ACKR3: variants seen among roughly 807,000 people sequenced by gnomAD.
ACKR3 encodes C-X-C chemokine receptor type 7.
In ACKR3, 6 loss-of-function variants were observed where a neutral mutation model predicts 22.4. That is an observed-to-expected ratio of 0.27 (90% CI 0.15 to 0.53). The LOEUF (loss-of-function observed/expected upper bound fraction) is 0.53, where lower values mean the gene tolerates loss of function less well. ACKR3 is among the 20% of genes least tolerant of loss of function. The probability of loss-of-function intolerance (pLI) is 0.96; values close to 1 mark genes in which losing one functional copy is unlikely to be tolerated. For missense variants in ACKR3, 396 were observed against 475.2 expected, an observed-to-expected ratio of 0.83 and a Z score of 1.55; for synonymous variants, 209 against 205.2, an observed-to-expected ratio of 1.02 and a Z score of -0.16.
chr2:236,545,559 A>C, the ACKR3 span, among the ~76,000 whole-genome samples: 1 of 152,224 alleles, frequency 6.6e-6, no homozygotes, highest in Non-Finnish European at 1.5e-5. The surrounding 1 kb of genome is among the most constrained non-coding windows in gnomAD (Gnocchi z 5.3). Flanking sequence ...TATGGCAAGA[A>C]GAGTGCACAA....
chr2:236,549,049 C>A, the ACKR3 span, among the ~76,000 whole-genome samples: 2 of 152,210 alleles, frequency 1.3e-5, no homozygotes, highest in Admixed American at 6.5e-5. The surrounding 1 kb of genome is among the most constrained non-coding windows in gnomAD (Gnocchi z 5.3). Flanking sequence ...TTGGAAGGAA[C>A]CTGAGACTGC....
upstream of ACKR3, among the ~76,000 whole-genome samples, chr2:236,566,508 C>T (rs1034978913): frequency 1.3e-5 from 2 of 150,486 alleles, no homozygotes; most frequent in South Asian, 2.1e-4. Flanking sequence ...ACTTGAAAAA[C>T]AGCAGGTGCA....
At chr2:236,580,401 T>G in intron 1 of ACKR3, 39 bp from the exon 2 acceptor site, 1 of 1,550,556 alleles carries the variant, frequency 6.4e-7, no homozygotes, top group African/African-American at 1.4e-5. Context: ...GAAGTGACTT[T>G]CCTCTTCCAT....
At chr2:236,549,696 T>C in the ACKR3 span, among the ~76,000 whole-genome samples, 1 of 152,230 alleles carries the variant, frequency 6.6e-6, no homozygotes, top group African/African-American at 2.4e-5. The surrounding 1 kb of genome is among the most constrained non-coding windows in gnomAD (Gnocchi z 5.3). Flanking sequence ...GTGTGGTCCG[T>C]GTCCCACCCA....
chr2:236,545,300 G>A, the ACKR3 span, among the ~76,000 whole-genome samples: 1,309 of 152,248 alleles, frequency 8.6e-3, 6 homozygotes, highest in Non-Finnish European at 0.014. This position sits in a 1 kb window ranked among gnomAD's most constrained non-coding sequence, Gnocchi z 5.3. Flanking sequence ...GCTCACTCAC[G>A]GGTCTGAAAT....
the ACKR3 span, among the ~76,000 whole-genome samples, chr2:236,545,860 T>C: frequency 2.0e-5 from 3 of 152,242 alleles, no homozygotes; most frequent in Non-Finnish European, 4.4e-5. This position sits in a 1 kb window ranked among gnomAD's most constrained non-coding sequence, Gnocchi z 5.3. Context: ...GTTTAGTGTA[T>C]CATTGTTGAA....
At chr2:236,578,287 G>A (rs982620754) in intron 1 of ACKR3, among the ~76,000 whole-genome samples, 45 of 152,208 alleles carry the variant, frequency 3.0e-4, no homozygotes, top group African/African-American at 7.7e-4. Context: ...CTAGAGCTGC[G>A]TCTTAGGACA....
At chr2:236,553,894 C>T in the ACKR3 span, among the ~76,000 whole-genome samples, 1 of 152,252 alleles carries the variant, frequency 6.6e-6, no homozygotes, top group Non-Finnish European at 1.5e-5. Flanking sequence ...TTCCGTCATT[C>T]TGGGAAGCTT....
intron 1 of ACKR3, among the ~76,000 whole-genome samples, chr2:236,575,618 TGTGTCTGGGGTTGTGCTGTGTGTGC>T (rs1559472331): frequency 5.2e-5 from 5 of 95,774 alleles, no homozygotes; most frequent in South Asian, 3.3e-4. Context: ...TGTGTGTGTG[TGTGTCTGGGGTTGTGCTGTGTGTGC>T]GTGTCTGGGG....
rs1201577898 is a variant in ACKR3, at chr2:236,581,358, A to G, written c.893A>G (p.His298Arg). ...GAGCACGCCCTCTTCACGGCCCTGC[A>G]TGTCACACAGTGCCTGTCGCTGGTG... ...RLEHALFTAL[H>R]VTQCLSLVHC... The change falls in exon 2 of 2, where the codon CAT becomes CGT. Residue 298 changes from histidine to arginine, a missense_variant. Coordinates refer to ENST00000272928, the MANE Select transcript of ACKR3 (RefSeq NM_020311.3). The surrounding 1 kb of genome is among the most constrained non-coding windows in gnomAD (Gnocchi z 4.4). The G allele has an allele frequency of 6.2e-7, 1 of 1,614,012 alleles. No homozygotes were observed. The highest frequency in any genetic ancestry group is 1.7e-5 in the Admixed American group (1 of 60,024).
At chr2:236,558,362 A>G in the ACKR3 span, among the ~76,000 whole-genome samples, 2 of 152,204 alleles carry the variant, frequency 1.3e-5, no homozygotes, top group Admixed American at 6.5e-5. Flanking sequence ...TTGCCATGGC[A>G]TTGGTAAACT....
At chr2:236,568,431 G>A (rs1691234634), upstream of ACKR3, among the ~76,000 whole-genome samples, 1 of 152,242 alleles carries the variant, frequency 6.6e-6, no homozygotes, top group African/African-American at 2.4e-5. Context: ...GGTAGACGCA[G>A]CCGCTGGCAG....
intron 1 of ACKR3, among the ~76,000 whole-genome samples, chr2:236,578,980 A>G (rs183670275): frequency 1.3e-5 from 2 of 152,312 alleles, no homozygotes; most frequent in East Asian, 1.9e-4. Flanking sequence ...CAAGCTCTCA[A>G]TTAGGCCCTT....
intron 1 of ACKR3, among the ~76,000 whole-genome samples, chr2:236,571,943 G>T (rs1691319559): frequency 6.6e-6 from 1 of 152,158 alleles, no homozygotes; most frequent in African/African-American, 2.4e-5. Context: ...ATTATTAGAA[G>T]CAAGAATAGT....
chr2:236,544,078 C>T, the ACKR3 span, among the ~76,000 whole-genome samples: 2 of 148,896 alleles, frequency 1.3e-5, no homozygotes, highest in Non-Finnish European at 3.0e-5. This position sits in a 1 kb window ranked among gnomAD's most constrained non-coding sequence, Gnocchi z 5.0. Context: ...CAACCTCTGC[C>T]TCCCGGATTC....
the ACKR3 span, among the ~76,000 whole-genome samples, chr2:236,544,854 T>C: frequency 6.6e-6 from 1 of 152,204 alleles, no homozygotes; most frequent in Non-Finnish European, 1.5e-5. The surrounding 1 kb of genome is among the most constrained non-coding windows in gnomAD (Gnocchi z 5.0). Flanking sequence ...GCAATTGTTT[T>C]AGAATCTTAG....
chr2:236,581,338 C>T lies in ACKR3; in HGVS notation c.873C>T (p.His291=), dbSNP rs370632662. 4.6e-5 allele frequency: 75 copies of T among 1,613,900 alleles called. No individual in the cohort carries two copies. Among genetic ancestry groups the T allele is most frequent in the Middle Eastern group, 3.3e-4 (2 of 6,084 alleles). ...TCCCTTTCACCTGCCGGCTGGAGCA[C>T]GCCCTCTTCACGGCCCTGCATGTCA... ...HYIPFTCRLE[H]ALFTALHVTQ... Residue 291 remains histidine, a synonymous_variant, in exon 2 of 2, where the codon CAC becomes CAT. Coordinates refer to ENST00000272928, the MANE Select transcript of ACKR3 (RefSeq NM_020311.3). The surrounding 1 kb of genome is among the most constrained non-coding windows in gnomAD (Gnocchi z 4.4).
chr2:236,547,510 A>AT, the ACKR3 span, among the ~76,000 whole-genome samples: 1 of 152,132 alleles, frequency 6.6e-6, no homozygotes, highest in South Asian at 2.1e-4. Context: ...ATATCAGACC[A>AT]TTTTTTTCCT....
chr2:236,554,631 G>A, the ACKR3 span, among the ~76,000 whole-genome samples: 1 of 152,202 alleles, frequency 6.6e-6, no homozygotes, highest in Non-Finnish European at 1.5e-5. Context: ...TGTTCATGGG[G>A]AAGTGTCTCA....
Sources: gnomAD v4.1 joint callset for allele counts (sites outside exome capture counted in the v4.1 genomes callset) on GRCh38, gnomAD v4.1.1 for gene constraint, Gnocchi (gnomAD v3.1) non-coding constraint, MANE v1.5 for transcripts, NCBI Gene and HGNC (gene_info 2026-07-23, HGNC 2026-07-21) for gene names.